Variants in PLEKHA5 observed in about 807,000 individuals in gnomAD.
The protein encoded by PLEKHA5 is pleckstrin homology domain containing A5.
A neutral mutation model predicts 181.9 loss-of-function variants in PLEKHA5; 55 were observed. The observed-to-expected ratio is 0.30, with a 90% CI of 0.24 to 0.38. PLEKHA5 has a LOEUF of 0.38. PLEKHA5 is among the 10% of genes least tolerant of loss of function. The pLI, the probability that PLEKHA5 is intolerant of heterozygous loss-of-function variation, is 1.00. For synonymous variants in PLEKHA5, 535 were observed against 529.4 expected (o/e 1.01, Z -0.15); for missense variants, 1,432 against 1,549.5 (o/e 0.92, Z 1.27).
intron 20 of PLEKHA5, among the ~76,000 whole-genome samples, chr12:19,329,277 G>A (rs2092602684): frequency 6.6e-6 from 1 of 152,070 alleles, no homozygotes; most frequent in Non-Finnish European, 1.5e-5. Context: ...ATGTTCATCA[G>A]GGATATTGGC....
intron 17 of PLEKHA5, among the ~76,000 whole-genome samples, chr12:19,320,352 G>A (rs1377602600): frequency 6.6e-6 from 1 of 151,902 alleles, no homozygotes; most frequent in Non-Finnish European, 1.5e-5. Context: ...TACATACATC[G>A]TTCGTATGTA....
rs56086557 is a variant in PLEKHA5 at position 19,167,405 on chromosome 12, A to ATTTTTTTTTTTT, written c.227+34973_227+34984dup. On this transcript the variant is annotated intron_variant, in intron 3 of 31. Transcript: ENST00000429027. ...CACTCTGCAAGTCTTCTGAGGCTTA[A>ATTTTTTTTTTTT]TTTTTTTTTTTTTTTTTTTTTTTTT... 6.8e-4 allele frequency among the ~76,000 whole-genome samples: 62 copies of ATTTTTTTTTTTT among 91,222 alleles called. 3 individuals are homozygous for ATTTTTTTTTTTT. Among genetic ancestry groups the ATTTTTTTTTTTT allele is most frequent in the African/African-American group, 2.2e-3 (48 of 22,096 alleles). 59.8% of individuals were successfully genotyped at this position (91,222 alleles called of 152,430 possible).
intron 3 of PLEKHA5, among the ~76,000 whole-genome samples, chr12:19,227,086 T>C (rs2059797202): frequency 6.6e-6 from 1 of 152,164 alleles, no homozygotes; most frequent in Non-Finnish European, 1.5e-5. Context: ...TAATCTTTTG[T>C]TGCTCATTGT....
At chr12:19,265,500 A>G (rs550264184) in intron 7 of PLEKHA5, among the ~76,000 whole-genome samples, 1 of 152,336 alleles carries the variant, frequency 6.6e-6, no homozygotes, top group South Asian at 2.1e-4. Flanking sequence ...GGTTAATGCC[A>G]TTACTTATAT....
chr12:19,360,415 C>T (rs543375436), intron 28 of PLEKHA5, among the ~76,000 whole-genome samples: 41 of 151,884 alleles, frequency 2.7e-4, no homozygotes, highest in Non-Finnish European at 4.3e-4. Flanking sequence ...AGATCAGCCT[C>T]GCAAACATAG....
intron 28 of PLEKHA5, among the ~76,000 whole-genome samples, chr12:19,360,967 G>C (rs1353059440): frequency 1.3e-5 from 2 of 152,084 alleles, no homozygotes; most frequent in African/African-American, 4.8e-5. Context: ...ATGTTGACCA[G>C]GCTGGTCTCG....
intron 27 of PLEKHA5, among the ~76,000 whole-genome samples, chr12:19,359,147 A>C (rs1310147965): frequency 2.0e-5 from 3 of 152,208 alleles, no homozygotes; most frequent in Non-Finnish European, 2.9e-5. Flanking sequence ...AAGTGCAGGC[A>C]TTGCTAATGG....
At chr12:19,307,192 G>T (rs1344977893) in intron 15 of PLEKHA5, 2 of 654,124 alleles carry the variant, frequency 3.1e-6, no homozygotes, top group Non-Finnish European at 2.8e-6. Context: ...AGAGAAAGGG[G>T]CCCCACATGG....
At chr12:19,218,961 A>G (rs1363952579) in intron 3 of PLEKHA5, among the ~76,000 whole-genome samples, 2 of 139,568 alleles carry the variant, frequency 1.4e-5, no homozygotes, top group East Asian at 2.0e-4. Flanking sequence ...TTTTTATTAT[A>G]CTCTAAGTTT....
chr12:19,247,007 G>A (rs1361420715), intron 3 of PLEKHA5, among the ~76,000 whole-genome samples: 1 of 151,944 alleles, frequency 6.6e-6, no homozygotes, highest in South Asian at 2.1e-4. Flanking sequence ...ATTGAAATGT[G>A]CACTTTATGC....
chr12:19,239,584 A>G (rs945135932), intron 3 of PLEKHA5, among the ~76,000 whole-genome samples: 1 of 152,238 alleles, frequency 6.6e-6, no homozygotes, highest in African/African-American at 2.4e-5. Flanking sequence ...TTTAACAAAT[A>G]TATTATTTTG....
At chr12:19,184,203 T>A (rs1254567418) in intron 3 of PLEKHA5, among the ~76,000 whole-genome samples, 1 of 152,220 alleles carries the variant, frequency 6.6e-6, no homozygotes, top group Non-Finnish European at 1.5e-5. Flanking sequence ...TAGTGATTTT[T>A]AAATTTTCAT....
intron 3 of PLEKHA5, among the ~76,000 whole-genome samples, chr12:19,250,815 A>AAATTT (rs1479986707): frequency 6.6e-6 from 1 of 152,142 alleles, no homozygotes; most frequent in Non-Finnish European, 1.5e-5. Flanking sequence ...TAGTAGTGCA[A>AAATTT]TACGTATTGC....
At chr12:19,226,814 A>G (rs1297032298) in intron 3 of PLEKHA5, among the ~76,000 whole-genome samples, 2 of 152,176 alleles carry the variant, frequency 1.3e-5, no homozygotes, top group Non-Finnish European at 2.9e-5. Flanking sequence ...TTAAATTATT[A>G]TGCCTTATTC....
chr12:19,227,354 A>G (rs935832243), intron 3 of PLEKHA5, among the ~76,000 whole-genome samples: 2 of 150,868 alleles, frequency 1.3e-5, no homozygotes, highest in African/African-American at 2.4e-5. Flanking sequence ...GGGCTAAATA[A>G]TAGTTATTCT....
chr12:19,172,964 G>GT (rs33953502), intron 3 of PLEKHA5, among the ~76,000 whole-genome samples: 12,963 of 114,698 alleles, frequency 0.11, 959 homozygotes, highest in African/African-American at 0.22. Flanking sequence ...GAAAAAAGTT[G>GT]TTTTTTTTTT....
Position 19,331,563 on chromosome 12 carries a change from A to G in PLEKHA5, c.2449-4952A>G, listed in dbSNP as rs994947450. Among the ~76,000 whole-genome samples the G allele has an allele frequency of 7.2e-5, 11 of 152,298 alleles. No individual in the cohort carries two copies. The East Asian group carries it at 2.1e-3, about 29-fold the overall frequency. Reference sequence around the variant, plus strand: ...ATCTGCTATATAGCCGTCTAGCTAAATATTAAAATCCTTAACTGATTTTTT... The same window carrying G: ...ATCTGCTATATAGCCGTCTAGCTAAGTATTAAAATCCTTAACTGATTTTTT... On this transcript the variant is annotated intron_variant, in intron 20 of 31. Coordinates refer to ENST00000429027, the MANE Select transcript of PLEKHA5 (RefSeq NM_001256470.2).
intron 7 of PLEKHA5, among the ~76,000 whole-genome samples, chr12:19,261,724 G>T (rs372581453): frequency 2.6e-5 from 4 of 152,076 alleles, no homozygotes; most frequent in Admixed American, 1.3e-4. Context: ...GAAAGAATTA[G>T]ATTGTCAAGC....
rs570779011 is a variant in PLEKHA5, at chr12:19,375,603, A to G, written c.*84A>G. The G allele has an allele frequency of 3.9e-5, 6 of 152,732 alleles. No homozygotes were observed. The highest frequency in any genetic ancestry group is 1.4e-4 in the African/African-American group (6 of 41,568). 9.5% of individuals were successfully genotyped at this position (152,732 alleles called of 1,614,324 possible). On this transcript the variant is annotated 3_prime_UTR_variant, in exon 32 of 32. Coordinates refer to ENST00000429027, the MANE Select transcript of PLEKHA5 (RefSeq NM_001256470.2). ...TCAGCAGTGTAAGAAGATATTGTAC[A>G]GTATATTTTAAATCTATGAAATTCA...
Sources: allele counts gnomAD v4.1 joint callset (sites outside exome capture counted in the v4.1 genomes callset), GRCh38; gene constraint gnomAD v4.1.1; transcripts MANE v1.5; gene names NCBI Gene and HGNC (gene_info 2026-07-23, HGNC 2026-07-21).